The following ACBD6 variants were observed in gnomAD, a reference collection of about 807,000 sequenced individuals.
ACBD6 encodes the protein acyl-CoA binding domain containing 6.
In ACBD6, 28 loss-of-function variants were observed where a neutral mutation model predicts 37.2. The observed-to-expected ratio is 0.75, with a 90% CI of 0.56 to 1.03. The LOEUF (loss-of-function observed/expected upper bound fraction) is 1.03, where lower values mean the gene tolerates loss of function less well. ACBD6 is among the 50% of genes least tolerant of loss of function. The pLI, the probability that ACBD6 is intolerant of heterozygous loss-of-function variation, is 0.00. For missense variants in ACBD6, 340 were observed against 337.4 expected, an observed-to-expected ratio of 1.01 and a Z score of -0.06; for synonymous variants, 113 against 126.8, an observed-to-expected ratio of 0.89 and a Z score of 0.73.
chr1:180,463,098 A>G (rs1204551229), intron 3 of ACBD6, among the ~76,000 whole-genome samples: 3 of 152,364 alleles, frequency 2.0e-5, no homozygotes, highest in Admixed American at 6.5e-5. Context: ...GGAAATTTAT[A>G]GCACTAAAAT....
rs975244734 is a variant in ACBD6, at chr1:180,314,645, G to A, written c.694+47C>T. 2.1e-6 allele frequency: 3 copies of A among 1,416,762 alleles called. No individual in the cohort carries two copies. The East Asian group carries it at 6.9e-5, about 33-fold the overall frequency. The allele number at this position is 1,416,762 out of a possible 1,614,324, so 87.8% of individuals were successfully genotyped here. A position where few individuals can be genotyped will look rare whatever the true frequency, so the allele number is the denominator to read the frequency against. ...TGGACAAAGTTGAAATAAACAAATAGAGAATATGTTCAAATATGATTACTT... is the reference window on the plus strand; with the variant it reads ...TGGACAAAGTTGAAATAAACAAATAAAGAATATGTTCAAATATGATTACTT... On this transcript the variant is annotated intron_variant, in intron 7 of 7. Coordinates refer to ENST00000367595, the MANE Select transcript of ACBD6 (RefSeq NM_032360.4).
chr1:180,342,735 T>A (rs1652027997), intron 6 of ACBD6, among the ~76,000 whole-genome samples: 1 of 152,120 alleles, frequency 6.6e-6, no homozygotes, highest in African/African-American at 2.4e-5. Context: ...CAAACATTTT[T>A]TCTCAATAAT....
intron 6 of ACBD6, among the ~76,000 whole-genome samples, chr1:180,338,121 A>G (rs1032611317): frequency 6.6e-6 from 1 of 152,208 alleles, no homozygotes; most frequent in African/African-American, 2.4e-5. Context: ...TAATTTATAG[A>G]TTCAATGCCA....
intron 6 of ACBD6, among the ~76,000 whole-genome samples, chr1:180,363,876 T>G (rs2101906428): frequency 6.6e-6 from 1 of 152,156 alleles, no homozygotes; most frequent in East Asian, 1.9e-4. Context: ...AACCCTCAAG[T>G]GGCAGCTTGA....
intron 3 of ACBD6, among the ~76,000 whole-genome samples, chr1:180,446,261 C>T (rs932115233): frequency 2.6e-4 from 40 of 152,008 alleles, no homozygotes; most frequent in African/African-American, 9.4e-4. Flanking sequence ...GATCTACCCA[C>T]CTCAGCCTCC....
chr1:180,415,194 C>G (rs1041869627), intron 4 of ACBD6, among the ~76,000 whole-genome samples: 1 of 151,980 alleles, frequency 6.6e-6, no homozygotes, highest in Admixed American at 6.6e-5. Flanking sequence ...GTCAGGAGTT[C>G]GAAACTAGCC....
At chr1:180,310,023 A>G (rs1650525987) in intron 7 of ACBD6, among the ~76,000 whole-genome samples, 1 of 152,190 alleles carries the variant, frequency 6.6e-6, no homozygotes, top group Non-Finnish European at 1.5e-5. Context: ...TAGTAAATAT[A>G]GACACATGGG....
At chr1:180,481,255 T>G (rs1039903160) in intron 3 of ACBD6, among the ~76,000 whole-genome samples, 1 of 151,714 alleles carries the variant, frequency 6.6e-6, no homozygotes, top group Non-Finnish European at 1.5e-5. Context: ...ATTTTTTTTT[T>G]TTGTGACCCT....
Position 180,502,499 on chromosome 1 carries a change from TCCTCCGGCTTC to T in ACBD6, c.-244_-234del, listed in dbSNP as rs59690169. ...GCCGCTCTGCCCAGTCGACCCGGTC[TCCTCCGGCTTC>T]CCTCCGGCCAACAGCGCGCTCAGGC... On this transcript the variant is annotated 5_prime_UTR_variant, in exon 1 of 8. Transcript: ENST00000367595. 1 of 565,758 alleles carries T rather than the reference TCCTCCGGCTTC, an allele frequency of 1.8e-6. No individual in the cohort carries two copies. Among genetic ancestry groups the T allele is most frequent in the South Asian group, 2.0e-5 (1 of 50,954 alleles). 35.0% of individuals were successfully genotyped at this position (565,758 alleles called of 1,614,324 possible).
At chr1:180,459,464 C>T (rs1191069425) in intron 3 of ACBD6, among the ~76,000 whole-genome samples, 4 of 152,298 alleles carry the variant, frequency 2.6e-5, no homozygotes, top group Middle Eastern at 3.4e-3. Flanking sequence ...ACCTAATGAA[C>T]ATCCTGATGA....
chr1:180,468,774 C>G (rs1020582335), intron 3 of ACBD6, among the ~76,000 whole-genome samples: 4 of 152,168 alleles, frequency 2.6e-5, no homozygotes, highest in Admixed American at 2.6e-4. Flanking sequence ...CCATAAAAAT[C>G]TTTGCTGGTT....
At chr1:180,300,596 G>A (rs1650093982) in intron 7 of ACBD6, among the ~76,000 whole-genome samples, 1 of 152,008 alleles carries the variant, frequency 6.6e-6, no homozygotes, top group African/African-American at 2.4e-5. Flanking sequence ...AACTTATAGG[G>A]ATATTTAGTA....
chr1:180,279,124 A>AAC (rs1393896168), intron 9 of ACBD6: 1 of 152,160 alleles, frequency 6.6e-6, no homozygotes, highest in African/African-American at 2.4e-5. Context: ...TGCCAGAACT[A>AAC]TTATACTTAG....
chr1:180,356,109 G>A (rs983716225), intron 6 of ACBD6, among the ~76,000 whole-genome samples: 2 of 152,016 alleles, frequency 1.3e-5, no homozygotes, highest in African/African-American at 2.4e-5. Flanking sequence ...CTGACCTCAG[G>A]TGATCCATGT....
At chr1:180,343,272 AG>A (rs1652048203) in intron 6 of ACBD6, among the ~76,000 whole-genome samples, 1 of 104,220 alleles carries the variant, frequency 9.6e-6, no homozygotes, top group Non-Finnish European at 2.6e-5. Flanking sequence ...ATAAAAAAAG[AG>A]TTTATTCCAC....
intron 3 of ACBD6, among the ~76,000 whole-genome samples, chr1:180,432,568 T>C (rs931161201): frequency 1.3e-5 from 2 of 152,072 alleles, no homozygotes; most frequent in South Asian, 2.1e-4. Flanking sequence ...TACACACCTA[T>C]TGGAATGGCT....
At chr1:180,271,099 TGAG>T (rs1648621980) in exon 14 of ACBD6, 1 of 510,500 alleles carries the variant, frequency 2.0e-6, no homozygotes. Flanking sequence ...TTCAATCTGA[TGAG>T]ACTTCTGTGC....
At chr1:180,317,872 T>A (rs1650876030) in intron 6 of ACBD6, among the ~76,000 whole-genome samples, 1 of 152,160 alleles carries the variant, frequency 6.6e-6, no homozygotes, top group African/African-American at 2.4e-5. Flanking sequence ...TGACTGCCAA[T>A]TCCTATAAGA....
Position 180,276,764 on chromosome 1 carries a change from A to G in ACBD6, c.*175-1352T>C, listed in dbSNP as rs534289227. 6 of 151,804 alleles carry G rather than the reference A, an allele frequency of 4.0e-5. 1 individual carries two copies. The highest frequency in any genetic ancestry group is 7.4e-5 in the Non-Finnish European group (5 of 67,998). The allele number at this position is 151,804 out of a possible 1,614,324, so 9.4% of individuals were successfully genotyped here. A position where few individuals can be genotyped will look rare whatever the true frequency, so the allele number is the denominator to read the frequency against. ...TTGCAGGTTGACTATTTGGCTTAGC[A>G]ACTCATGGGATTTCAGAGGCCCTTG... On this transcript the variant is annotated intron_variant, in intron 9 of 13. Coordinates refer to the ACBD6 transcript ENST00000642319.
Sources: gnomAD v4.1 joint callset for allele counts (sites outside exome capture counted in the v4.1 genomes callset) on GRCh38, gnomAD v4.1.1 for gene constraint, MANE v1.5 for transcripts, NCBI Gene and HGNC (gene_info 2026-07-23, HGNC 2026-07-21) for gene names.